The following SWT1 variants were observed in gnomAD, a reference collection of about 807,000 sequenced individuals.
SWT1 encodes the protein transcriptional protein SWT1.
In SWT1, 33 loss-of-function variants were observed where a neutral mutation model predicts 107.3. That is an observed-to-expected ratio of 0.31 (90% CI 0.23 to 0.41). SWT1 has a LOEUF of 0.41. Among genes scored for constraint, SWT1 ranks in the 10% least tolerant of loss-of-function variants. SWT1 has a pLI of 1.00. For synonymous variants in SWT1, 345 were observed against 348.3 expected (o/e 0.99, Z 0.11); for missense variants, 898 against 1,028.9 (o/e 0.87, Z 1.74).
At chr1:185,186,631 G>T (rs1656490957) in intron 9 of SWT1, among the ~76,000 whole-genome samples, 1 of 151,954 alleles carries the variant, frequency 6.6e-6, no homozygotes. Flanking sequence ...AAAAATATGT[G>T]AAGTATAATT....
Position 185,251,784 on chromosome 1 carries a change from T to TTA in SWT1, c.2442-19525_2442-19524dup, listed in dbSNP as rs201146557. ...TTTTTTGCTTGATAAGTAAAACAATTTATATATATATATATTTTTTTTATT... is the reference window on the plus strand; with the variant it reads ...TTTTTTGCTTGATAAGTAAAACAATTTATATATATATATATATTTTTTTTATT... On this transcript the variant is annotated intron_variant, in intron 16 of 18. Transcript: ENST00000367500. Among the ~76,000 whole-genome samples, 341 of 150,508 alleles carry TTA rather than the reference T, an allele frequency of 2.3e-3. 3 individuals are homozygous for TTA. The highest frequency in any genetic ancestry group is 7.4e-3 in the African/African-American group (304 of 41,136).
At chr1:185,272,660 C>T (rs187263085) in intron 17 of SWT1, among the ~76,000 whole-genome samples, 1 of 152,182 alleles carries the variant, frequency 6.6e-6, no homozygotes, top group East Asian at 1.9e-4. Context: ...ATGAGAGTAA[C>T]AATAGTAGGT....
At chr1:185,165,317 G>C (rs190449755) in intron 2 of SWT1, among the ~76,000 whole-genome samples, 2 of 152,280 alleles carry the variant, frequency 1.3e-5, no homozygotes, top group Admixed American at 1.3e-4. Context: ...GTGTGACACA[G>C]AGACATGAAG....
At chr1:185,281,450 C>T (rs1453763813) in intron 18 of SWT1, 1 of 192,482 alleles carries the variant, frequency 5.2e-6, no homozygotes, top group African/African-American at 2.3e-5. Flanking sequence ...GTACTCTTTC[C>T]TAGCAGATTA....
At chr1:185,202,601 G>T (rs1168517416) in intron 10 of SWT1, 53 bp from the exon 11 acceptor site, 2 of 1,523,480 alleles carry the variant, frequency 1.3e-6, no homozygotes, top group Non-Finnish European at 1.8e-6. Context: ...TTGCCATGTG[G>T]TTTACCTTAT....
At chr1:185,220,687 A>G (rs1275461507) in intron 14 of SWT1, among the ~76,000 whole-genome samples, 1 of 152,222 alleles carries the variant, frequency 6.6e-6, no homozygotes, top group Non-Finnish European at 1.5e-5. Context: ...AAAAACAAAC[A>G]TATTCTGTTC....
intron 1 of SWT1, among the ~76,000 whole-genome samples, chr1:185,160,179 A>G (rs1405777610): frequency 6.6e-6 from 1 of 152,214 alleles, no homozygotes; most frequent in Non-Finnish European, 1.5e-5. Context: ...AATGAAACTT[A>G]TGACTAATTG....
intron 16 of SWT1, among the ~76,000 whole-genome samples, chr1:185,256,514 G>A (rs1156485284): frequency 2.3e-4 from 35 of 149,894 alleles, no homozygotes; most frequent in Admixed American, 6.7e-4. Context: ...TTGCCTTCTC[G>A]CTTCATTTCA....
At chr1:185,230,739 T>A (rs1307597923) in intron 15 of SWT1, among the ~76,000 whole-genome samples, 1 of 151,970 alleles carries the variant, frequency 6.6e-6, no homozygotes. Context: ...TTTGTGTGTG[T>A]GTGTGTGTGT....
At chr1:185,204,557 T>A (rs1035935435) in intron 11 of SWT1, 143 bp from the exon 12 acceptor site, 6 of 387,662 alleles carry the variant, frequency 1.5e-5, no homozygotes, top group African/African-American at 1.3e-4. Flanking sequence ...TTCTAAATTG[T>A]TTTGAAAATA....
chr1:185,261,240 G>A (rs1662997661), intron 16 of SWT1, among the ~76,000 whole-genome samples: 1 of 152,012 alleles, frequency 6.6e-6, no homozygotes, highest in South Asian at 2.1e-4. Context: ...TACCTAATAT[G>A]AGTAAAATCA....
intron 16 of SWT1, among the ~76,000 whole-genome samples, chr1:185,246,623 CTTTT>C (rs375322237): frequency 2.1e-5 from 2 of 96,498 alleles, no homozygotes; most frequent in Admixed American, 1.2e-4. Context: ...TTTTGGAGAG[CTTTT>C]TTTTTTTTTT....
intron 9 of SWT1, among the ~76,000 whole-genome samples, chr1:185,188,299 A>G: frequency 6.6e-6 from 1 of 152,208 alleles, no homozygotes; most frequent in East Asian, 1.9e-4. Flanking sequence ...AAAAAGTGGT[A>G]TTACTGATAA....
chr1:185,222,762 CAAAA>C (rs59515070), intron 15 of SWT1, among the ~76,000 whole-genome samples: 2 of 36,088 alleles, frequency 5.5e-5, no homozygotes, highest in South Asian at 9.6e-4. Context: ...GACGCCATCT[CAAAA>C]AAAAAAAAAA....
At chr1:185,233,960 G>A (rs1188295857) in intron 16 of SWT1, among the ~76,000 whole-genome samples, 1 of 152,096 alleles carries the variant, frequency 6.6e-6, no homozygotes, top group East Asian at 1.9e-4. Context: ...TAGCAAGGAT[G>A]GTCTCGATCT....
chr1:185,168,756 C>T (rs552362054), intron 4 of SWT1, among the ~76,000 whole-genome samples: 30 of 152,014 alleles, frequency 2.0e-4, no homozygotes, highest in Non-Finnish European at 2.6e-4. Context: ...ATATATTACC[C>T]GTGAAGAGAG....
intron 13 of SWT1, among the ~76,000 whole-genome samples, chr1:185,209,181 A>G (rs934427016): frequency 6.6e-6 from 1 of 152,104 alleles, no homozygotes; most frequent in Non-Finnish European, 1.5e-5. Context: ...AAATGCAAGC[A>G]TGAGCTCCCC....
intron 16 of SWT1, among the ~76,000 whole-genome samples, chr1:185,256,810 T>A (rs1489099341): frequency 6.6e-6 from 1 of 152,240 alleles, no homozygotes; most frequent in Admixed American, 6.5e-5. Flanking sequence ...CCAGCTTTGT[T>A]CCATTGCTGG....
intron 15 of SWT1, among the ~76,000 whole-genome samples, chr1:185,228,597 T>C (rs1428383238): frequency 6.6e-6 from 1 of 152,166 alleles, no homozygotes; most frequent in East Asian, 1.9e-4. Flanking sequence ...TTGCACAGTG[T>C]CTGTAAAAGT....
Sources: gnomAD v4.1 joint callset for allele counts (sites outside exome capture counted in the v4.1 genomes callset) on GRCh38, gnomAD v4.1.1 for gene constraint, MANE v1.5 for transcripts, NCBI Gene and HGNC (gene_info 2026-07-23, HGNC 2026-07-21) for gene names.